AKAP19: variants seen among roughly 807,000 people sequenced by gnomAD.
AKAP19 encodes A-kinase anchoring protein 19.
the AKAP19 span, among the ~76,000 whole-genome samples, chr2:189,887,582 G>T: frequency 1.3e-5 from 2 of 152,112 alleles, no homozygotes; most frequent in African/African-American, 4.8e-5. Context: ...TTACACTCCT[G>T]CCAACAGCAT....
chr2:189,937,868 A>C, the AKAP19 span, among the ~76,000 whole-genome samples: 1 of 152,242 alleles, frequency 6.6e-6, no homozygotes, highest in African/African-American at 2.4e-5. Flanking sequence ...CAAAAAACTA[A>C]AAATAAAGCT....
the AKAP19 span, among the ~76,000 whole-genome samples, chr2:190,179,583 A>T: frequency 0.018 from 2,780 of 152,310 alleles, 69 homozygotes; most frequent in African/African-American, 0.062. The surrounding 1 kb of genome is among the most constrained non-coding windows in gnomAD (Gnocchi z 6.0). Context: ...TTAAGCCTGG[A>T]TAAAAATAAG....
At chr2:190,115,299 A>G in the AKAP19 span, among the ~76,000 whole-genome samples, 1 of 7,354 alleles carries the variant, frequency 1.4e-4, no homozygotes, top group East Asian at 2.8e-3. Context: ...ATATATATAT[A>G]TATTTTTTTT....
the AKAP19 span, among the ~76,000 whole-genome samples, chr2:190,112,492 C>T: frequency 6.6e-6 from 1 of 152,068 alleles, no homozygotes; most frequent in Admixed American, 6.5e-5. Context: ...AAAGGGAATG[C>T]TTTTAAAGTG....
the AKAP19 span, among the ~76,000 whole-genome samples, chr2:189,929,836 A>G: frequency 6.6e-6 from 1 of 152,222 alleles, no homozygotes; most frequent in Non-Finnish European, 1.5e-5. Context: ...GCAGCTTTTA[A>G]TAAAACCTTG....
At chr2:190,045,878 T>C in the AKAP19 span, among the ~76,000 whole-genome samples, 1 of 152,180 alleles carries the variant, frequency 6.6e-6, no homozygotes, top group Non-Finnish European at 1.5e-5. Context: ...CATGCTTGCC[T>C]GAACAGCTGC....
chr2:189,913,742 A>G, the AKAP19 span, among the ~76,000 whole-genome samples: 92 of 152,242 alleles, frequency 6.0e-4, no homozygotes, highest in Admixed American at 6.5e-5. Flanking sequence ...AGTAAATTTG[A>G]TATAGAACAG....
At chr2:190,024,380 G>GTATA in the AKAP19 span, among the ~76,000 whole-genome samples, 4,235 of 146,026 alleles carry the variant, frequency 0.029, 89 homozygotes, top group Non-Finnish European at 0.042. Context: ...ATATGTGTGT[G>GTATA]TATATATATA....
chr2:190,104,077 G>A, the AKAP19 span, among the ~76,000 whole-genome samples: 1 of 152,162 alleles, frequency 6.6e-6, no homozygotes. Flanking sequence ...ACGAAAATAA[G>A]CAATGAGGAA....
the AKAP19 span, among the ~76,000 whole-genome samples, chr2:189,978,802 A>G: frequency 6.6e-6 from 1 of 152,080 alleles, no homozygotes; most frequent in East Asian, 1.9e-4. Flanking sequence ...CCAAGCTGAG[A>G]ACGAAATAAA....
the AKAP19 span, chr2:189,931,123 G>GCTCATACTTTCC: frequency 2.9e-6 from 1 of 345,236 alleles, no homozygotes; most frequent in Non-Finnish European, 5.4e-6. Context: ...ATATATTGTT[G>GCTCATACTTTCC]CTCATACTTT....
At chr2:190,108,909 G>A in the AKAP19 span, among the ~76,000 whole-genome samples, 1 of 150,566 alleles carries the variant, frequency 6.6e-6, no homozygotes, top group African/African-American at 2.4e-5. Flanking sequence ...ACAAAGAAAA[G>A]TCAAAGACTT....
At chr2:189,949,503 A>G in the AKAP19 span, among the ~76,000 whole-genome samples, 1 of 31,220 alleles carries the variant, frequency 3.2e-5, no homozygotes, top group East Asian at 1.5e-3. Flanking sequence ...TCTGTCTCAA[A>G]AAAAGAAAAA....
At chr2:190,184,713 G>T in the AKAP19 span, among the ~76,000 whole-genome samples, 445 of 152,232 alleles carry the variant, frequency 2.9e-3, 8 homozygotes, top group Non-Finnish European at 1.1e-3. Context: ...CAGGGGAAAG[G>T]GTGCTGGGTG....
the AKAP19 span, among the ~76,000 whole-genome samples, chr2:190,147,140 G>A: frequency 0.051 from 7,799 of 152,176 alleles, 669 homozygotes; most frequent in African/African-American, 0.18. Context: ...TCAGGTCTTA[G>A]TTTAAGTCCT....
chr2:189,953,859 C>T, the AKAP19 span, among the ~76,000 whole-genome samples: 4 of 152,136 alleles, frequency 2.6e-5, no homozygotes, highest in African/African-American at 9.7e-5. Flanking sequence ...TGGAGTCCAC[C>T]TCTTAACCAC....
the AKAP19 span, among the ~76,000 whole-genome samples, chr2:190,051,248 A>T: frequency 6.6e-6 from 1 of 152,144 alleles, no homozygotes; most frequent in African/African-American, 2.4e-5. Context: ...TGTAAGTCAT[A>T]CTCATGGGTC....
At chr2:190,110,769 C>T in the AKAP19 span, among the ~76,000 whole-genome samples, 5 of 152,168 alleles carry the variant, frequency 3.3e-5, no homozygotes, top group Non-Finnish European at 7.3e-5. Context: ...GAATGAAATG[C>T]TTCTGGCCAT....
chr2:190,020,459 G>T, the AKAP19 span, among the ~76,000 whole-genome samples: 2 of 152,062 alleles, frequency 1.3e-5, no homozygotes, highest in Non-Finnish European at 2.9e-5. Context: ...CAGATATCAA[G>T]ATCAGGGTCC....
Sources: allele counts gnomAD v4.1 joint callset (sites outside exome capture counted in the v4.1 genomes callset), GRCh38; gene constraint gnomAD v4.1.1; non-coding constraint Gnocchi (gnomAD v3.1); transcripts MANE v1.5; gene names NCBI Gene and HGNC (gene_info 2026-07-23, HGNC 2026-07-21).